LAMC1: variants seen among roughly 807,000 people sequenced by gnomAD.
LAMC1 encodes the protein laminin subunit gamma 1.
Under a neutral mutation model 173.6 loss-of-function variants are expected in LAMC1, and 38 were observed. The ratio of observed to expected loss-of-function variants is 0.22; its 90% CI spans 0.17 to 0.29. The LOEUF (loss-of-function observed/expected upper bound fraction) is 0.29, where lower values mean the gene tolerates loss of function less well. Among genes scored for constraint, LAMC1 ranks in the 10% least tolerant of loss-of-function variants. The pLI is 1.00. For synonymous variants in LAMC1, 746 were observed against 749.1 expected (o/e 1.00, Z 0.07); for missense variants, 1,824 against 2,051.8 (o/e 0.89, Z 2.14).
At chr1:183,050,883 C>T (rs796323560) in intron 1 of LAMC1, among the ~76,000 whole-genome samples, 26 of 131,648 alleles carry the variant, frequency 2.0e-4, no homozygotes, top group African/African-American at 7.7e-4. Context: ...AGGAGTGAAA[C>T]TCCATCTCAA....
At chr1:183,099,296 G>A (rs1411060250) in intron 1 of LAMC1, among the ~76,000 whole-genome samples, 1 of 151,990 alleles carries the variant, frequency 6.6e-6, no homozygotes, top group Non-Finnish European at 1.5e-5. Context: ...CACCATGTTG[G>A]CCAGGCTAGT....
In LAMC1 at chr1:183,086,560, GAC is replaced by G. The variant is rs552912019; in HGVS notation, c.419-16764_419-16763del. On this transcript the variant is annotated intron_variant, in intron 1 of 27. Coordinates refer to ENST00000258341, the MANE Select transcript of LAMC1 (RefSeq NM_002293.4). ...AGATTGCACTGTTTCATCTTTTGTA[GAC>G]ACAGAAATCAAGAGTTATCTTTTTT... Among the ~76,000 whole-genome samples, 255 of 152,302 alleles carry G rather than the reference GAC, an allele frequency of 1.7e-3. 3 individuals are homozygous for G. The highest frequency in any genetic ancestry group is 5.1e-3 in the African/African-American group (210 of 41,562).
In LAMC1 at chr1:183,036,081, G is replaced by C. The variant is rs1653971728; in HGVS notation, c.418+11947G>C. ...TCCTGGAAAACTACCCTCACACTTTGTGCTTGAATGAATTCTTTTTTTTTT... is the reference window on the plus strand; with the variant it reads ...TCCTGGAAAACTACCCTCACACTTTCTGCTTGAATGAATTCTTTTTTTTTT... On this transcript the variant is annotated intron_variant, in intron 1 of 27. Transcript: ENST00000258341. Among the ~76,000 whole-genome samples, 4 of 147,150 alleles carry C rather than the reference G, an allele frequency of 2.7e-5. No homozygotes were observed. In the South Asian group the frequency reaches 8.6e-4, roughly 32 times the overall value.
At chr1:183,138,622 T>C (rs1038493816) in intron 26 of LAMC1, 2 of 152,164 alleles carry the variant, frequency 1.3e-5, no homozygotes, top group African/African-American at 2.4e-5. Context: ...TTAATCTCAG[T>C]AAAAACTCTA....
chr1:183,036,577 A>ATTT (rs772913560), intron 1 of LAMC1, among the ~76,000 whole-genome samples: 1 of 150,414 alleles, frequency 6.6e-6, no homozygotes, highest in African/African-American at 2.5e-5. Context: ...TAATTTTTGT[A>ATTT]TTTTTAGTAG....
chr1:183,086,179 A>G (rs573470665), intron 1 of LAMC1, among the ~76,000 whole-genome samples: 8 of 152,248 alleles, frequency 5.3e-5, no homozygotes, highest in Non-Finnish European at 1.0e-4. Flanking sequence ...TAAGGAGACA[A>G]ATCTAGTGAA....
chr1:183,113,753 A>C (rs1031675499), intron 4 of LAMC1, among the ~76,000 whole-genome samples: 1 of 152,188 alleles, frequency 6.6e-6, no homozygotes, highest in Non-Finnish European at 1.5e-5. Context: ...ATAATCTGGC[A>C]CTTTGGAAGT....
In LAMC1 at chr1:183,135,127, A is replaced by C; in HGVS notation, c.4085A>C (p.Glu1362Ala). 1 of 1,613,618 alleles carries C rather than the reference A, an allele frequency of 6.2e-7. No homozygotes were observed. The change falls in exon 24 of 28, where the codon GAA becomes GCA. Residue 1362 changes from glutamate to alanine, a missense_variant. By Grantham distance (107) the Glu-to-Ala change is moderately radical. Transcript: ENST00000258341. ...AAKKGRDTLQ[E>A]ANDILNNLKD... The stretch of plus-strand genomic sequence containing the variant: ...AAGAAGGGACGGGATACCTTACAAG[A>C]AGCTAATGACATTCTCAACAACCTG...
Position 183,116,628 on chromosome 1 carries a change from A to C in LAMC1, c.1380A>C (p.Thr460=), listed in dbSNP as rs768898487. The change falls in exon 7 of 28, where the codon ACA becomes ACC. Residue 460 remains threonine, a synonymous_variant. Coordinates refer to ENST00000258341, the MANE Select transcript of LAMC1 (RefSeq NM_002293.4). The part of the protein sequence containing the change: ...SGSIDECNIE[T]GRCVCKDNVE... ...GCATAGATGAATGTAATATTGAAAC[A>C]GGAAGATGTGTTTGCAAAGACAATG... 1 of 1,613,580 alleles carries C rather than the reference A, an allele frequency of 6.2e-7. No individual in the cohort carries two copies. Among genetic ancestry groups the C allele is most frequent in the Admixed American group, 1.7e-5 (1 of 60,018 alleles).
At chr1:183,123,301 T>G (rs1656530362) in intron 13 of LAMC1, among the ~76,000 whole-genome samples, 1 of 152,174 alleles carries the variant, frequency 6.6e-6, no homozygotes, top group Non-Finnish European at 1.5e-5. Context: ...CTCTGTTATC[T>G]CTCACCTGGG....
At chr1:183,045,017 A>G (rs1654231435) in intron 1 of LAMC1, among the ~76,000 whole-genome samples, 1 of 151,612 alleles carries the variant, frequency 6.6e-6, no homozygotes, top group African/African-American at 2.4e-5. Context: ...CTTAATACTG[A>G]TTTCCAGTGA....
chr1:183,078,961 C>G (rs1571426115), intron 1 of LAMC1, among the ~76,000 whole-genome samples: 1 of 152,232 alleles, frequency 6.6e-6, no homozygotes, highest in South Asian at 2.1e-4. Context: ...CACCTTTGCA[C>G]TCCAGCCTGG....
rs776847108 is a variant in LAMC1, at chr1:183,117,606, A to T, written c.1760A>T (p.Asp587Val). The T allele has an allele frequency of 1.7e-5, 27 of 1,613,864 alleles. No homozygotes were observed. Among genetic ancestry groups the T allele is most frequent in the Non-Finnish European group, 2.3e-5 (27 of 1,179,880 alleles). ...LSFSFRVDRR[D>V]TRLSAEDLVL... ...TTCTCCTTTCGAGTGGACAGGCGAGATACTCGCCTCTCTGCAGAAGACCTT... is the reference window on the plus strand; with the variant it reads ...TTCTCCTTTCGAGTGGACAGGCGAGTTACTCGCCTCTCTGCAGAAGACCTT... The change falls in exon 10 of 28, where the codon GAT becomes GTT. Residue 587 changes from aspartate to valine, a missense_variant. Transcript: ENST00000258341.
intron 8 of LAMC1, 102 bp downstream of exon 8, chr1:183,117,005 G>A: frequency 1.7e-6 from 2 of 1,183,382 alleles, no homozygotes; most frequent in South Asian, 1.5e-5. Flanking sequence ...TTTGATGGTT[G>A]GCAACACTTT....
At chr1:183,051,554 T>G (rs1299144551) in intron 1 of LAMC1, among the ~76,000 whole-genome samples, 1 of 152,222 alleles carries the variant, frequency 6.6e-6, no homozygotes, top group Non-Finnish European at 1.5e-5. Context: ...TTTAAGCCAC[T>G]GAGCTTTGGA....
At chr1:183,142,420 G>A in intron 27 of LAMC1, 114 bp from the exon 28 acceptor site, 1 of 1,082,186 alleles carries the variant, frequency 9.2e-7, no homozygotes, top group Non-Finnish European at 1.3e-6. Context: ...ACATTTGCCG[G>A]GCTGCCTGTG....
At position 183,036,396 on chromosome 1, in the gene LAMC1, CTTTTTTTTTT is replaced by C. The variant is rs768370901; in HGVS notation, c.418+12276_418+12285del. Among the ~76,000 whole-genome samples, 30 of 96,578 alleles carry C rather than the reference CTTTTTTTTTT, an allele frequency of 3.1e-4. No homozygotes were observed. In the East Asian group the frequency reaches 5.6e-3, roughly 18 times the overall value. The allele number at this position is 96,578 out of a possible 152,430, so 63.4% of individuals were successfully genotyped here. A position where few individuals can be genotyped will look rare whatever the true frequency, so the allele number is the denominator to read the frequency against. On this transcript the variant is annotated intron_variant, in intron 1 of 27. Transcript: ENST00000258341. ...TACTGGCGTGAGCCACCACGCCAGT[CTTTTTTTTTT>C]TTTTTTTTTTTTTGAGACAAGAGTT...
At chr1:183,036,010 T>G (rs527331559) in intron 1 of LAMC1, among the ~76,000 whole-genome samples, 14 of 152,246 alleles carry the variant, frequency 9.2e-5, no homozygotes, top group Middle Eastern at 3.4e-3. Flanking sequence ...TTCTCACCTT[T>G]CCCAATGCTG....
chr1:183,044,979 T>C (rs1474325142), intron 1 of LAMC1, among the ~76,000 whole-genome samples: 2 of 151,962 alleles, frequency 1.3e-5, no homozygotes, highest in East Asian at 3.9e-4. Context: ...TTGAAGGTTA[T>C]TAAAATGTAA....
Sources: allele counts gnomAD v4.1 joint callset (sites outside exome capture counted in the v4.1 genomes callset), GRCh38; gene constraint gnomAD v4.1.1; transcripts MANE v1.5; gene names NCBI Gene and HGNC (gene_info 2026-07-23, HGNC 2026-07-21).